The following FRMD4B variants were observed in gnomAD, a reference collection of about 807,000 sequenced individuals.
FRMD4B encodes the protein FERM domain-containing protein 4B.
FRMD4B carries 74 observed loss-of-function variants against 141.5 expected under a neutral mutation model. The observed-to-expected ratio is 0.52, with a 90% CI of 0.43 to 0.63. The LOEUF is 0.63. FRMD4B is among the 30% of genes least tolerant of loss of function. The probability of loss-of-function intolerance (pLI) is 0.00; values close to 1 mark genes in which losing one functional copy is unlikely to be tolerated. For missense variants in FRMD4B, 1,366 were observed against 1,253.4 expected (o/e 1.09, Z -1.36); for synonymous variants, 506 against 467.9 (o/e 1.08, Z -1.05).
intron 1 of FRMD4B, among the ~76,000 whole-genome samples, chr3:69,322,594 C>T (rs73105349): frequency 6.1e-5 from 5 of 81,406 alleles, no homozygotes; most frequent in African/African-American, 1.8e-4. Context: ...TTCTCTCTCT[C>T]TTTTTTTTTT....
chr3:69,531,897 C>T (rs113682568), intron 1 of FRMD4B, among the ~76,000 whole-genome samples: 52 of 152,358 alleles, frequency 3.4e-4, no homozygotes, highest in Middle Eastern at 6.8e-3. Flanking sequence ...CTCTAGTAAA[C>T]TGGATGCCCC....
chr3:69,415,877 T>G (rs2106793830), intron 2 of FRMD4B, among the ~76,000 whole-genome samples: 1 of 152,306 alleles, frequency 6.6e-6, no homozygotes, highest in East Asian at 1.9e-4. Context: ...AAATACTCAG[T>G]GTATTCGGTT....
Position 69,476,476 on chromosome 3 carries a change from C to T in FRMD4B, c.-128-43715G>A, listed in dbSNP as rs1462489441. On this transcript the variant is annotated intron_variant, in intron 1 of 5. Coordinates refer to the FRMD4B transcript ENST00000459638. ...TAAATAAGGAATCCTTTCCCCATTG[C>T]TTGTTTTTGTCAGGTTTGTCAAAGA... is the stretch of plus-strand genomic sequence containing the variant. Among the ~76,000 whole-genome samples the T allele has an allele frequency of 4.6e-5, 7 of 152,300 alleles. No individual in the cohort carries two copies. The East Asian group carries it at 7.7e-4, about 17-fold the overall frequency.
At chr3:69,346,011 G>T (rs1396489253) in intron 1 of FRMD4B, among the ~76,000 whole-genome samples, 1 of 152,118 alleles carries the variant, frequency 6.6e-6, no homozygotes, top group Admixed American at 6.5e-5. Flanking sequence ...AGAGAAGAAG[G>T]CTTCAGATGA....
chr3:69,519,196 G>A (rs1033922169), intron 1 of FRMD4B, among the ~76,000 whole-genome samples: 10 of 152,180 alleles, frequency 6.6e-5, no homozygotes, highest in African/African-American at 2.4e-4. Flanking sequence ...TATTACCAAG[G>A]TTTGGGAAGT....
intron 2 of FRMD4B, among the ~76,000 whole-genome samples, chr3:69,401,898 G>C (rs1394156365): frequency 1.3e-5 from 2 of 152,142 alleles, no homozygotes; most frequent in East Asian, 3.8e-4. Context: ...AACAAGAGGA[G>C]ATACAACCAC....
chr3:69,402,298 C>T (rs1384663288), intron 2 of FRMD4B, among the ~76,000 whole-genome samples: 1 of 152,138 alleles, frequency 6.6e-6, no homozygotes, highest in Non-Finnish European at 1.5e-5. Context: ...CTTGTTGCCA[C>T]AATGAGGATG....
At chr3:69,484,854 C>T (rs1046643437) in intron 1 of FRMD4B, among the ~76,000 whole-genome samples, 8 of 152,270 alleles carry the variant, frequency 5.3e-5, no homozygotes, top group Non-Finnish European at 1.0e-4. Context: ...TATGTGCTAA[C>T]TCGTCCATGG....
At chr3:69,381,968 T>C (rs1378539962) in intron 1 of FRMD4B, among the ~76,000 whole-genome samples, 1 of 152,212 alleles carries the variant, frequency 6.6e-6, no homozygotes, top group Non-Finnish European at 1.5e-5. Flanking sequence ...TCTTAACCTT[T>C]TAATTCATTG....
chr3:69,327,269 G>A (rs1175204694), intron 1 of FRMD4B, among the ~76,000 whole-genome samples: 12 of 152,170 alleles, frequency 7.9e-5, no homozygotes, highest in Admixed American at 6.5e-4. Context: ...AAAGTACTGC[G>A]TCTTTCAAAG....
At chr3:69,335,159 A>C (rs1702500611) in intron 1 of FRMD4B, among the ~76,000 whole-genome samples, 1 of 152,104 alleles carries the variant, frequency 6.6e-6, no homozygotes, top group Non-Finnish European at 1.5e-5. Flanking sequence ...TGGGTGACAG[A>C]GTGAGACACT....
chr3:69,523,199 G>T (rs1183812524), intron 1 of FRMD4B, among the ~76,000 whole-genome samples: 3 of 151,708 alleles, frequency 2.0e-5, no homozygotes, highest in Non-Finnish European at 4.4e-5. Flanking sequence ...TGATTATTCT[G>T]CTGGGATGCT....
chr3:69,490,519 T>G (rs951531071), intron 1 of FRMD4B, among the ~76,000 whole-genome samples: 5 of 152,172 alleles, frequency 3.3e-5, no homozygotes, highest in African/African-American at 1.2e-4. Context: ...CCTCTCTCCC[T>G]TGCCTCTGCA....
At chr3:69,222,923 T>G (rs1222401518) in intron 8 of FRMD4B, among the ~76,000 whole-genome samples, 2 of 152,242 alleles carry the variant, frequency 1.3e-5, no homozygotes, top group Non-Finnish European at 2.9e-5. Context: ...ATTTTGAGCC[T>G]AAGGCCTATC....
intron 1 of FRMD4B, among the ~76,000 whole-genome samples, chr3:69,475,148 C>T (rs1162525534): frequency 1.3e-5 from 2 of 152,054 alleles, no homozygotes; most frequent in African/African-American, 4.8e-5. Flanking sequence ...GGATCACAGT[C>T]TGAGGTGTCA....
chr3:69,412,877 G>A (rs1210887635), intron 2 of FRMD4B, among the ~76,000 whole-genome samples: 1 of 97,630 alleles, frequency 1.0e-5, no homozygotes, highest in Non-Finnish European at 1.9e-5. Context: ...TTTGAGACGA[G>A]AAGCTCCACT....
intron 1 of FRMD4B, chr3:69,334,520 A>T (rs550091321): frequency 1.3e-5 from 2 of 152,250 alleles, no homozygotes; most frequent in South Asian, 4.1e-4. Context: ...CTGGGATTAA[A>T]TGATCTGGGG....
intron 11 of FRMD4B, among the ~76,000 whole-genome samples, chr3:69,212,243 C>T (rs193297732): frequency 6.6e-6 from 1 of 150,468 alleles, no homozygotes; most frequent in Non-Finnish European, 1.5e-5. Context: ...ACCTGTAATC[C>T]CAGCTTCTCG....
At chr3:69,478,766 C>A (rs1043851655) in intron 1 of FRMD4B, among the ~76,000 whole-genome samples, 5 of 152,018 alleles carry the variant, frequency 3.3e-5, no homozygotes, top group Admixed American at 6.6e-5. Context: ...TCCTTGTTAA[C>A]TTTCTGTCTC....
Sources: allele counts gnomAD v4.1 joint callset (sites outside exome capture counted in the v4.1 genomes callset), GRCh38; gene constraint gnomAD v4.1.1; transcripts MANE v1.5; gene names NCBI Gene and HGNC (gene_info 2026-07-23, HGNC 2026-07-21).